Variants in KCNJ6 observed in about 807,000 individuals in gnomAD.
The protein encoded by KCNJ6 is G protein-activated inward rectifier potassium channel 2.
In KCNJ6, 9 loss-of-function variants were observed where a neutral mutation model predicts 34.2. The observed-to-expected ratio is 0.26, with a 90% confidence interval of 0.16 to 0.46. The LOEUF (loss-of-function observed/expected upper bound fraction) is 0.46. Among genes scored for constraint, KCNJ6 ranks in the 20% least tolerant of loss-of-function variants. The pLI is 1.00. For synonymous variants in KCNJ6, 196 were observed against 207.1 expected (o/e 0.95, Z 0.46); for missense variants, 236 against 531.3 (o/e 0.44, Z 5.46).
intron 1 of KCNJ6, among the ~76,000 whole-genome samples, chr21:37,850,163 T>C (rs1179303539): frequency 6.6e-6 from 1 of 152,198 alleles, no homozygotes. Flanking sequence ...TTTCTTTGTA[T>C]GACGTTCTTT....
intron 3 of KCNJ6, among the ~76,000 whole-genome samples, chr21:37,700,033 C>T (rs760731542): frequency 1.3e-4 from 20 of 152,096 alleles, no homozygotes; most frequent in Non-Finnish European, 1.5e-4. Flanking sequence ...TTAGAAAAAT[C>T]ATTTATTTTT....
intron 2 of KCNJ6, among the ~76,000 whole-genome samples, chr21:37,762,931 C>T (rs1030726861): frequency 2.6e-5 from 4 of 152,160 alleles, no homozygotes; most frequent in Non-Finnish European, 1.5e-5. Context: ...CTGAGAATAA[C>T]GATGTTCCAA....
Position 37,649,608 on chromosome 21 carries a change from C to G in KCNJ6, c.947-24124G>C, listed in dbSNP as rs150554544. Among the ~76,000 whole-genome samples the G allele has an allele frequency of 3.2e-4, 49 of 152,338 alleles. No individual in the cohort carries two copies. The East Asian group carries it at 9.3e-3, about 29-fold the overall frequency. On this transcript the variant is annotated intron_variant, in intron 3 of 3. Transcript: ENST00000609713. ...CAGACCCCGCATCACCTTTGCTAGG[C>G]TGTGCCTTGCTGACATTTCTGCAGG...
At chr21:37,762,579 G>A (rs967274945) in intron 2 of KCNJ6, among the ~76,000 whole-genome samples, 3 of 152,198 alleles carry the variant, frequency 2.0e-5, no homozygotes, top group African/African-American at 7.2e-5. Context: ...AGGCAATGGG[G>A]ACCCTGTTGA....
rs571467153 is a variant in KCNJ6, at chr21:37,621,781, C to G, written c.*3378G>C. The stretch of plus-strand genomic sequence containing the variant: ...GGAGTGGGGGAAGAGAGAGTTCTGC[C>G]TCATGGACATAGAGGGGATATATGC... On this transcript the variant is annotated 3_prime_UTR_variant, in exon 4 of 4. Transcript: ENST00000609713. The G allele has an allele frequency of 6.6e-6, 1 of 152,154 alleles. No homozygotes were observed. The highest frequency in any genetic ancestry group is 1.5e-5 in the Non-Finnish European group (1 of 68,058). 9.4% of individuals were successfully genotyped at this position (152,154 alleles called of 1,614,324 possible).
Position 37,894,670 on chromosome 21 carries a change from G to GA in KCNJ6, c.-28+21213dup, listed in dbSNP as rs924510062. ...CAGTGAGATTCCATCTCAAAAAAAA[G>GA]AAAAAAAAAATCAACATTGTACCAC... On this transcript the variant is annotated intron_variant, in intron 1 of 3. Coordinates refer to ENST00000609713, the MANE Select transcript of KCNJ6 (RefSeq NM_002240.5). 7.4e-4 allele frequency among the ~76,000 whole-genome samples: 110 copies of GA among 148,128 alleles called. 1 individual carries two copies. Among genetic ancestry groups the GA allele is most frequent in the African/African-American group, 1.9e-3 (76 of 40,416 alleles).
At chr21:37,803,677 C>A (rs535044965) in intron 2 of KCNJ6, among the ~76,000 whole-genome samples, 19 of 152,278 alleles carry the variant, frequency 1.2e-4, no homozygotes, top group African/African-American at 4.3e-4. Context: ...CCATGGTGGG[C>A]ACACACCAGC....
chr21:37,625,339 G>A lies in KCNJ6; in HGVS notation c.1092C>T (p.Ser364=), dbSNP rs2054306243. The A allele has an allele frequency of 4.3e-6, 7 of 1,614,250 alleles. No homozygotes were observed. The highest frequency in any genetic ancestry group is 1.6e-4 in the Middle Eastern group (1 of 6,062). The change falls in exon 4 of 4, where the codon TCC becomes TCT. Residue 364 remains serine (S), a synonymous_variant. Transcript: ENST00000609713. ...ACTCGGCCAGCTCTTTGGCACTAAGGGATGGGGTGCTGGTCTCATAGGTCT... is the reference window on the plus strand; with the variant it reads ...ACTCGGCCAGCTCTTTGGCACTAAGAGATGGGGTGCTGGTCTCATAGGTCT... ...FHETYETSTP[S]LSAKELAELA...
In KCNJ6 at chr21:37,711,805, C is replaced by CCA. The variant is rs1349359246; in HGVS notation, c.946+2405_946+2406insTG. Among the ~76,000 whole-genome samples the CCA allele has an allele frequency of 2.0e-5, 3 of 151,220 alleles. No homozygotes were observed. The East Asian group carries it at 5.8e-4, about 29-fold the overall frequency. On this transcript the variant is annotated intron_variant, in intron 3 of 3. Transcript: ENST00000609713. Reference sequence around the variant, plus strand: ...CTCCAGAACTTTCTAGAACCCCCCCCCCAAGTCTAGAAATTAGAAGACTAT... The same window carrying CCA: ...CTCCAGAACTTTCTAGAACCCCCCCCCACCAAGTCTAGAAATTAGAAGACTAT...
chr21:37,713,771 T>C (rs1188262064), intron 3 of KCNJ6, among the ~76,000 whole-genome samples: 1 of 152,190 alleles, frequency 6.6e-6, no homozygotes, highest in African/African-American at 2.4e-5. Context: ...TAAATGACTC[T>C]CAAAGAATGG....
At chr21:37,890,567 C>A (rs1336040983) in intron 1 of KCNJ6, among the ~76,000 whole-genome samples, 1 of 152,250 alleles carries the variant, frequency 6.6e-6, no homozygotes, top group African/African-American at 2.4e-5. Context: ...GAAGGCTGAC[C>A]TGCCTTCAGC....
At chr21:37,786,597 T>G (rs1462728132) in intron 2 of KCNJ6, among the ~76,000 whole-genome samples, 1 of 152,218 alleles carries the variant, frequency 6.6e-6, no homozygotes, top group East Asian at 1.9e-4. Context: ...AAAGACTATA[T>G]GCAACAAATG....
intron 2 of KCNJ6, among the ~76,000 whole-genome samples, chr21:37,796,894 C>T (rs372397878): frequency 2.0e-5 from 3 of 147,090 alleles, no homozygotes; most frequent in Non-Finnish European, 3.0e-5. Context: ...CCCGGGTTCA[C>T]GCCATTCTCC....
chr21:37,904,673 T>C (rs943178706), intron 1 of KCNJ6, among the ~76,000 whole-genome samples: 1 of 152,190 alleles, frequency 6.6e-6, no homozygotes, highest in Non-Finnish European at 1.5e-5. Context: ...CCCAGTGACT[T>C]CTATCAAAGC....
At chr21:37,826,750 C>A (rs1301505994) in intron 2 of KCNJ6, among the ~76,000 whole-genome samples, 1 of 152,058 alleles carries the variant, frequency 6.6e-6, no homozygotes, top group Admixed American at 6.5e-5. Context: ...CCAAATCTGA[C>A]AAGAGAAAAT....
At chr21:37,805,611 G>T (rs1320779931) in intron 2 of KCNJ6, among the ~76,000 whole-genome samples, 2 of 122,596 alleles carry the variant, frequency 1.6e-5, no homozygotes, top group Non-Finnish European at 3.6e-5. Context: ...TTACCAAAAG[G>T]ATGTGACTTT....
intron 1 of KCNJ6, among the ~76,000 whole-genome samples, chr21:37,855,759 G>A (rs962654119): frequency 5.3e-5 from 8 of 152,148 alleles, no homozygotes; most frequent in Non-Finnish European, 8.8e-5. Flanking sequence ...CTGCTCAACC[G>A]TGATGAATAT....
Position 37,880,767 on chromosome 21 carries a change from G to A in KCNJ6, c.-28+35117C>T, listed in dbSNP as rs547007082. Among the ~76,000 whole-genome samples, 7 of 152,332 alleles carry A rather than the reference G, an allele frequency of 4.6e-5. No homozygotes were observed. The East Asian group carries it at 1.2e-3, about 25-fold the overall frequency. ...TTATCCAGGGCTTTCCAGGCGTGAAGCATATTTCCCAAGCTGGCTTGACAT... is the reference window on the plus strand; with the variant it reads ...TTATCCAGGGCTTTCCAGGCGTGAAACATATTTCCCAAGCTGGCTTGACAT... On this transcript the variant is annotated intron_variant, in intron 1 of 3. Transcript: ENST00000609713.
At chr21:37,780,040 C>T (rs2055161619) in intron 2 of KCNJ6, among the ~76,000 whole-genome samples, 1 of 152,008 alleles carries the variant, frequency 6.6e-6, no homozygotes, top group African/African-American at 2.4e-5. Flanking sequence ...GGTCATTCTG[C>T]CTATTTGAGG....
Sources: gnomAD v4.1 joint callset for allele counts (sites outside exome capture counted in the v4.1 genomes callset) on GRCh38, gnomAD v4.1.1 for gene constraint, MANE v1.5 for transcripts, NCBI Gene and HGNC (gene_info 2026-07-23, HGNC 2026-07-21) for gene names.